CDHR1: variants seen among roughly 807,000 people sequenced by gnomAD.
The protein encoded by CDHR1 is cadherin-related family member 1.
CDHR1 carries 61 observed loss-of-function variants against 72.1 expected under a neutral mutation model. The observed-to-expected ratio is 0.85, with a 90% CI of 0.69 to 1.05. The LOEUF is 1.05. Among genes scored for constraint, CDHR1 ranks in the 50% least tolerant of loss-of-function variants. The probability of loss-of-function intolerance (pLI) is 0.00; values close to 1 mark genes in which losing one functional copy is unlikely to be tolerated. For missense variants in CDHR1, 1,186 were observed against 1,115.7 expected (o/e 1.06, Z -0.90); for synonymous variants, 470 against 448.1 (o/e 1.05, Z -0.62).
At chr10:84,197,743 G>A (rs551687330) in intron 3 of CDHR1, 43 bp from the exon 4 acceptor site, 33 of 1,583,858 alleles carry the variant, frequency 2.1e-5, no homozygotes, top group East Asian at 1.3e-4. Flanking sequence ...GTCCTATGGC[G>A]TGTCAGACTC....
rs1842384415 is a variant in CDHR1, at chr10:84,214,093, G to A, written c.2052G>A (p.Arg684=). The change falls in exon 17 of 17, where the codon CGG becomes CGA. Residue 684 remains arginine, a synonymous_variant. Coordinates refer to ENST00000623527, the MANE Select transcript of CDHR1 (RefSeq NM_033100.4). ...IDITDAETLS[R]SPMAAFLIQT... is the part of the protein sequence containing the mutation. ...GCTTTCTCTTTCAGACCCTCTCCCG[G>A]AGCCCCATGGCTGCCTTCCTGATAC... 2.5e-6 allele frequency: 4 copies of A among 1,614,170 alleles called. No homozygotes were observed. In the East Asian group the frequency reaches 6.7e-5, roughly 27 times the overall value.
At chr10:84,200,578 C>A (rs1227329154) in intron 5 of CDHR1, 23 bp from the exon 6 acceptor site, 1 of 1,557,682 alleles carries the variant, frequency 6.4e-7, no homozygotes. Context: ...TCTGACCCTC[C>A]CCTGTGGCTG....
rs375024886 is a variant in CDHR1, at chr10:84,208,371, C to T, written c.1161C>T (p.Ser387=). 1.1e-5 allele frequency: 17 copies of T among 1,613,996 alleles called. No individual in the cohort carries two copies. The highest frequency in any genetic ancestry group is 2.2e-5 in the East Asian group (1 of 44,880). The change falls in exon 11 of 17, where the codon TCC becomes TCT. Residue 387 remains serine, a synonymous_variant. Coordinates refer to ENST00000623527, the MANE Select transcript of CDHR1 (RefSeq NM_033100.4). The stretch of plus-strand genomic sequence containing the variant: ...GCCTCAAGATCACCGTCAATGACTC[C>T]GACCAGGTGTGTGGTCCTGCCCTCC... ...LRGLKITVND[S]DQGANAKFNL...
chr10:84,196,880 G>C (rs545985433), intron 3 of CDHR1, among the ~76,000 whole-genome samples: 1 of 152,134 alleles, frequency 6.6e-6, no homozygotes, highest in African/African-American at 2.4e-5. Flanking sequence ...CTCCTTTAAC[G>C]AGCACCTGCC....
chr10:84,212,065 G>A, intron 14 of CDHR1, 114 bp from the exon 15 acceptor site: 4 of 922,972 alleles, frequency 4.3e-6, no homozygotes, highest in Non-Finnish European at 7.0e-6. Flanking sequence ...CTTTGGAGGA[G>A]CTGCATGACA....
chr10:84,209,050 C>T (rs1018810532), intron 12 of CDHR1, among the ~76,000 whole-genome samples, 169 bp downstream of exon 12: 2 of 152,230 alleles, frequency 1.3e-5, no homozygotes, highest in Non-Finnish European at 2.9e-5. Context: ...GATCCAGCCT[C>T]ACTGAGCTTC....
At chr10:84,195,820 G>A (rs1427548458) in intron 2 of CDHR1, among the ~76,000 whole-genome samples, 1 of 152,224 alleles carries the variant, frequency 6.6e-6, no homozygotes, top group Non-Finnish European at 1.5e-5. Flanking sequence ...GGGTCGCCCC[G>A]CGAGGCAGGC....
chr10:84,208,130 G>A (rs753740398), intron 10 of CDHR1, 44 bp from the exon 11 acceptor site: 34 of 1,522,188 alleles, frequency 2.2e-5, no homozygotes, highest in Non-Finnish European at 2.9e-5. Flanking sequence ...ACCATATGAA[G>A]GGTCCACCTG....
At chr10:84,200,162 C>T (rs1379007889) in intron 5 of CDHR1, among the ~76,000 whole-genome samples, 1 of 121,566 alleles carries the variant, frequency 8.2e-6, no homozygotes, top group African/African-American at 4.0e-5. Flanking sequence ...AAGGGCGAAG[C>T]TCCATCTCAA....
At position 84,214,217 on chromosome 10, in the gene CDHR1, C is replaced by T. The variant is rs141706561; in HGVS notation, c.2176C>T (p.Arg726Cys). The change falls in exon 17 of 17, where the codon CGC becomes TGC. Residue 726 changes from arginine (R) to cysteine (C), a missense_variant. Coordinates refer to ENST00000623527, the MANE Select transcript of CDHR1 (RefSeq NM_033100.4). ...CCTCATCTCCACCGCCACCTTCTGG[C>T]GCAACAAGAAGTCTAACAAGGTCCT... ...TVLISTATFW[R>C]NKKSNKVLPM... is the part of the protein sequence containing the mutation. The T allele has an allele frequency of 2.2e-4, 356 of 1,614,050 alleles. No homozygotes were observed. Among genetic ancestry groups the T allele is most frequent in the Non-Finnish European group, 2.9e-4 (338 of 1,180,052 alleles).
chr10:84,214,210 CT>C lies in CDHR1; in HGVS notation c.2171del (p.Phe724SerfsTer117). The C allele has an allele frequency of 6.2e-7, 1 of 1,614,202 alleles. No homozygotes were observed. Among genetic ancestry groups the C allele is most frequent in the Admixed American group, 1.7e-5 (1 of 60,030 alleles). ...AITVLISTAT[F>X]WRNKKSNKVL... ...TCACTGTCCTCATCTCCACCGCCAC[CT>C]TCTGGCGCAACAAGAAGTCTAACAA... On this transcript the variant is annotated frameshift_variant, in exon 17 of 17. Coordinates refer to ENST00000623527, the MANE Select transcript of CDHR1 (RefSeq NM_033100.4). LOFTEE classifies it low-confidence loss of function (END_TRUNC).
In CDHR1 at chr10:84,204,553, C is replaced by T. The variant is rs1589300340; in HGVS notation, c.810C>T (p.Ala270=). ...LPGSEVLKVV[A]MDGDRGKPNR... ...GCTCGGAGGTACTGAAGGTGGTCGCCATGGATGGAGACCGGGGCAAACCCA... is the reference window on the plus strand; with the variant it reads ...GCTCGGAGGTACTGAAGGTGGTCGCTATGGATGGAGACCGGGGCAAACCCA... The change falls in exon 9 of 17, where the codon GCC becomes GCT. Residue 270 remains alanine, a synonymous_variant. Transcript: ENST00000623527. The T allele has an allele frequency of 6.2e-7, 1 of 1,613,816 alleles. No individual in the cohort carries two copies. Among genetic ancestry groups the T allele is most frequent in the Non-Finnish European group, 8.5e-7 (1 of 1,179,724 alleles).
In CDHR1 at chr10:84,208,354, A is replaced by T. The variant is rs1842267185; in HGVS notation, c.1144A>T (p.Ile382Phe). ...PQGEILRGLK[I>F]TVNDSDQGAN... The stretch of plus-strand genomic sequence containing the variant: ...GGGAGAGATCCTGCGGGGCCTCAAG[A>T]TCACCGTCAATGACTCCGACCAGGT... The change falls in exon 11 of 17, where the codon ATC becomes TTC. Residue 382 changes from isoleucine to phenylalanine, a missense_variant. Ile to Phe is a conservative substitution (Grantham distance 21). Coordinates refer to ENST00000623527, the MANE Select transcript of CDHR1 (RefSeq NM_033100.4). 11 of 1,614,092 alleles carry T rather than the reference A, an allele frequency of 6.8e-6. No individual in the cohort carries two copies. Among genetic ancestry groups the T allele is most frequent in the Non-Finnish European group, 9.3e-6 (11 of 1,180,016 alleles).
Position 84,194,701 on chromosome 10 carries a change from G to C in CDHR1, c.-60G>C. 2 of 1,394,998 alleles carry C rather than the reference G, an allele frequency of 1.4e-6. No individual in the cohort carries two copies. The highest frequency in any genetic ancestry group is 1.9e-6 in the Non-Finnish European group (2 of 1,068,754). 86.4% of individuals were successfully genotyped at this position (1,394,998 alleles called of 1,614,324 possible). On this transcript the variant is annotated 5_prime_UTR_variant, in exon 1 of 17. It removes an upstream start codon present in the reference 5' UTR. Coordinates refer to ENST00000623527, the MANE Select transcript of CDHR1 (RefSeq NM_033100.4). ...TGCCCTCCCCGCGGGCCCAGGGCAT[G>C]CTCCGTGCCCCTGCGCCCGGTCTCG...
rs1842035469 is a variant in CDHR1, at chr10:84,196,663, G to A, written c.297+13G>A. On this transcript the variant is annotated intron_variant, in intron 3 of 16. Coordinates refer to ENST00000623527, the MANE Select transcript of CDHR1 (RefSeq NM_033100.4). ...GCTGGACAGAGAGGTATGGGGAGGTGTGGGGAGTGCTGCGGGGCCACTGCC... is the reference window on the plus strand; with the variant it reads ...GCTGGACAGAGAGGTATGGGGAGGTATGGGGAGTGCTGCGGGGCCACTGCC... 6.2e-7 allele frequency: 1 copy of A among 1,614,084 alleles called. No individual in the cohort carries two copies. The highest frequency in any genetic ancestry group is 1.1e-5 in the South Asian group (1 of 91,082).
At chr10:84,206,730 C>T (rs1038423896) in intron 10 of CDHR1, among the ~76,000 whole-genome samples, 1 of 152,086 alleles carries the variant, frequency 6.6e-6, no homozygotes, top group Non-Finnish European at 1.5e-5. Flanking sequence ...TGGGGCAAAC[C>T]CAGGAATCTG....
At chr10:84,199,785 G>A (rs1416853386) in intron 5 of CDHR1, among the ~76,000 whole-genome samples, 1 of 152,186 alleles carries the variant, frequency 6.6e-6, no homozygotes, top group Non-Finnish European at 1.5e-5. Context: ...TTGCCAGATT[G>A]CTTTTCCAGA....
intron 10 of CDHR1, 33 bp from the exon 11 acceptor site, chr10:84,208,141 C>T (rs1291394712): frequency 1.3e-6 from 2 of 1,594,128 alleles, no homozygotes; most frequent in Non-Finnish European, 1.7e-6. Context: ...GGTCCACCTG[C>T]CACACAGCCA....
rs555641256 is a variant in CDHR1 at position 84,213,256 on chromosome 10, T to C, written c.1948T>C (p.Cys650Arg). 25 of 1,614,230 alleles carry C rather than the reference T, an allele frequency of 1.5e-5. No homozygotes were observed. In the Admixed American group the frequency reaches 2.0e-4, roughly 13 times the overall value. The stretch of plus-strand genomic sequence containing the variant: ...GCACAACATCACACCTGGAAGGGAC[T>C]GCCTATGGTCCCTAGAGGTGCAGGC... ...ALHNITPGRD[C>R]LWSLEVQAKD... The change falls in exon 16 of 17, where the codon TGC (cysteine) becomes CGC (arginine). Residue 650 changes from cysteine to arginine, a missense_variant. Transcript: ENST00000623527.
Sources: allele counts gnomAD v4.1 joint callset (sites outside exome capture counted in the v4.1 genomes callset), GRCh38; gene constraint gnomAD v4.1.1; transcripts MANE v1.5; gene names NCBI Gene and HGNC (gene_info 2026-07-23, HGNC 2026-07-21).